The following UBE2E2 variants were observed in gnomAD, a reference collection of about 807,000 sequenced individuals.
The protein encoded by UBE2E2 is ubiquitin-conjugating enzyme E2 E2.
UBE2E2 carries 6 observed loss-of-function variants against 24.7 expected under a neutral mutation model. The observed-to-expected ratio is 0.24, with a 90% CI of 0.13 to 0.48. The LOEUF (loss-of-function observed/expected upper bound fraction) is 0.48. UBE2E2 is among the 20% of genes least tolerant of loss of function. The probability of loss-of-function intolerance (pLI) is 0.99; values close to 1 mark genes in which losing one functional copy is unlikely to be tolerated. For synonymous variants in UBE2E2, 104 were observed against 83.6 expected, an observed-to-expected ratio of 1.24 and a Z score of -1.33; for missense variants, 169 against 245.0, an observed-to-expected ratio of 0.69 and a Z score of 2.07.
intron 3 of UBE2E2, among the ~76,000 whole-genome samples, chr3:23,218,690 A>G (rs917244142): frequency 5.9e-5 from 9 of 152,256 alleles, no homozygotes; most frequent in African/African-American, 2.2e-4. Flanking sequence ...CGGCAAAATA[A>G]ACAACTTTGT....
In UBE2E2 at chr3:23,280,728, T is replaced by G. The variant is rs576902406; in HGVS notation, c.227+63416T>G. On this transcript the variant is annotated intron_variant, in intron 3 of 5. Transcript: ENST00000396703. The surrounding 1 kb of genome is among the most constrained non-coding windows in gnomAD (Gnocchi z 4.3). ...AATATTTATTGACTAAAGGAATGAG[T>G]ACTGGAGACTAGCCTCTATGTTTCT... is the stretch of plus-strand genomic sequence containing the variant. Among the ~76,000 whole-genome samples, 18 of 152,320 alleles carry G rather than the reference T, an allele frequency of 1.2e-4. No homozygotes were observed. In the East Asian group the frequency reaches 3.5e-3, roughly 29 times the overall value.
intron 3 of UBE2E2, among the ~76,000 whole-genome samples, chr3:23,476,892 T>C (rs1699151187): frequency 6.6e-6 from 1 of 152,026 alleles, no homozygotes; most frequent in South Asian, 2.1e-4. Context: ...AACTGAGGAG[T>C]CCCAGAGTAT....
intron 3 of UBE2E2, among the ~76,000 whole-genome samples, chr3:23,233,829 A>T (rs943757903): frequency 6.6e-6 from 1 of 152,214 alleles, no homozygotes; most frequent in Non-Finnish European, 1.5e-5. Flanking sequence ...GTAGTATTTA[A>T]AAAACTACAT....
intron 3 of UBE2E2, among the ~76,000 whole-genome samples, chr3:23,484,059 C>G (rs142709728): frequency 1.3e-5 from 2 of 152,076 alleles, no homozygotes; most frequent in Non-Finnish European, 2.9e-5. Flanking sequence ...AGTACTTTTG[C>G]AATTCTTTAT....
intron 5 of UBE2E2, among the ~76,000 whole-genome samples, chr3:23,585,357 T>C (rs1696597931): frequency 7.6e-6 from 1 of 131,654 alleles, no homozygotes; most frequent in African/African-American, 3.0e-5. Context: ...GGCAACAGAG[T>C]GAGACCCTGT....
chr3:23,223,869 T>G (rs560186892), intron 3 of UBE2E2, among the ~76,000 whole-genome samples: 1 of 152,164 alleles, frequency 6.6e-6, no homozygotes, highest in Non-Finnish European at 1.5e-5. Flanking sequence ...TATATAGTTA[T>G]CCAGTTTTCC....
intron 4 of UBE2E2, among the ~76,000 whole-genome samples, chr3:23,509,806 C>T (rs1222876000): frequency 1.3e-5 from 2 of 149,198 alleles, no homozygotes; most frequent in Non-Finnish European, 3.0e-5. Context: ...CAGTTCCCAC[C>T]TATGAGTGAG....
intron 3 of UBE2E2, among the ~76,000 whole-genome samples, chr3:23,232,515 C>G (rs891082553): frequency 2.6e-5 from 4 of 152,084 alleles, no homozygotes; most frequent in African/African-American, 9.7e-5. Context: ...TGTTTAGAAT[C>G]CTCCTGATTT....
chr3:23,534,091 T>C (rs1695196134), intron 5 of UBE2E2: 9 of 692,098 alleles, frequency 1.3e-5, no homozygotes, highest in Non-Finnish European at 1.6e-5. Context: ...GTGTATAACC[T>C]TGTATAACCT....
intron 3 of UBE2E2, among the ~76,000 whole-genome samples, chr3:23,378,036 T>C (rs904114941): frequency 5.3e-5 from 8 of 152,086 alleles, no homozygotes; most frequent in South Asian, 2.1e-4. Flanking sequence ...AATTATTCCT[T>C]CCATAATATT....
intron 3 of UBE2E2, among the ~76,000 whole-genome samples, chr3:23,399,342 G>T (rs1270722404): frequency 6.6e-6 from 1 of 152,140 alleles, no homozygotes; most frequent in African/African-American, 2.4e-5. Flanking sequence ...GAGATATCCT[G>T]ATAACTGAGA....
chr3:23,313,808 G>T (rs1459829642), intron 3 of UBE2E2, among the ~76,000 whole-genome samples: 1 of 151,960 alleles, frequency 6.6e-6, no homozygotes, highest in Non-Finnish European at 1.5e-5. Flanking sequence ...TTGTTTTCTG[G>T]TTGTTTTGTG....
chr3:23,367,197 T>C (rs769342165), intron 3 of UBE2E2, among the ~76,000 whole-genome samples: 4 of 152,226 alleles, frequency 2.6e-5, no homozygotes, highest in Non-Finnish European at 5.9e-5. Flanking sequence ...CCTGTGTTTG[T>C]TGACAAACCA....
intron 4 of UBE2E2, among the ~76,000 whole-genome samples, chr3:23,508,250 A>G (rs1324540884): frequency 6.6e-6 from 1 of 152,242 alleles, no homozygotes; most frequent in Non-Finnish European, 1.5e-5. Context: ...AATGCACATT[A>G]TATCTGTGTG....
intron 3 of UBE2E2, among the ~76,000 whole-genome samples, chr3:23,403,808 CA>C (rs375422962): frequency 0.32 from 26,246 of 82,028 alleles, 2,038 homozygotes; most frequent in African/African-American, 0.41. Flanking sequence ...ATTCCGTCTC[CA>C]AAAAAAAAAA....
chr3:23,427,983 A>G (rs1255094314), intron 3 of UBE2E2, among the ~76,000 whole-genome samples: 1 of 152,242 alleles, frequency 6.6e-6, no homozygotes, highest in Non-Finnish European at 1.5e-5. Flanking sequence ...TAGAGACTTC[A>G]GGACCCCCTC....
chr3:23,266,614 T>A (rs1018876273), intron 3 of UBE2E2, among the ~76,000 whole-genome samples: 1 of 152,120 alleles, frequency 6.6e-6, no homozygotes. Context: ...CTGACAATTA[T>A]GTGTCTTGGA....
chr3:23,248,041 C>T (rs1013262119), intron 3 of UBE2E2, among the ~76,000 whole-genome samples: 2 of 152,228 alleles, frequency 1.3e-5, no homozygotes, highest in African/African-American at 4.8e-5. Context: ...ATTTTTGTCT[C>T]CAATTCCCAA....
chr3:23,568,702 T>TACACAC, intron 5 of UBE2E2, among the ~76,000 whole-genome samples: 1 of 142,292 alleles, frequency 7.0e-6, no homozygotes, highest in Admixed American at 7.1e-5. Flanking sequence ...CACACATATA[T>TACACAC]ATATACATGT....
Sources: allele counts gnomAD v4.1 joint callset (sites outside exome capture counted in the v4.1 genomes callset), GRCh38; gene constraint gnomAD v4.1.1; non-coding constraint Gnocchi (gnomAD v3.1); transcripts MANE v1.5; gene names NCBI Gene and HGNC (gene_info 2026-07-23, HGNC 2026-07-21).